CRISPLD1: variants seen among roughly 807,000 people sequenced by gnomAD.
CRISPLD1 encodes cysteine-rich secretory protein LCCL domain-containing 1.
In CRISPLD1, 60 loss-of-function variants were observed where a neutral mutation model predicts 77.5. That is an observed-to-expected ratio of 0.77 (90% CI 0.63 to 0.96). The LOEUF (loss-of-function observed/expected upper bound fraction) is 0.96. Ranked by LOEUF, CRISPLD1 falls within the 40% of genes least tolerant of loss-of-function variation. CRISPLD1 has a pLI of 0.00. For missense variants in CRISPLD1, 623 were observed against 615.8 expected (o/e 1.01, Z -0.12); for synonymous variants, 195 against 200.1 (o/e 0.97, Z 0.22).
chr8:74,995,764 A>C (rs1030153162), intron 2 of CRISPLD1, among the ~76,000 whole-genome samples: 2 of 152,196 alleles, frequency 1.3e-5, no homozygotes, highest in South Asian at 4.1e-4. Flanking sequence ...TCTTTGCATA[A>C]TTTTTTTGCA....
rs1303059676 is a variant in CRISPLD1 at position 75,030,706 on chromosome 8, GTA to G, written c.1451+1193_1451+1194del. On this transcript the variant is annotated intron_variant, in intron 14 of 14. Transcript: ENST00000262207. ...TGTGTGTGTGTGTGTGTGTGTGTGT[GTA>G]TATGTATGTGTGTGTGTCTGTGTAT... is the stretch of plus-strand genomic sequence containing the variant. 1.6e-4 allele frequency among the ~76,000 whole-genome samples: 23 copies of G among 147,902 alleles called. No homozygotes were observed. In the East Asian group the frequency reaches 2.8e-3, roughly 18 times the overall value.
At chr8:74,990,295 AAAG>A (rs1195464758) in intron 2 of CRISPLD1, among the ~76,000 whole-genome samples, 7 of 148,538 alleles carry the variant, frequency 4.7e-5, no homozygotes, top group Admixed American at 4.0e-4. Flanking sequence ...AAAAAAAAAA[AAAG>A]AAAACAAACC....
At chr8:74,986,389 G>C in intron 2 of CRISPLD1, 144 bp downstream of exon 2, 1 of 809,914 alleles carries the variant, frequency 1.2e-6, no homozygotes, top group Non-Finnish European at 1.9e-6. Flanking sequence ...CTGCATATTC[G>C]TTTATTAATG....
chr8:74,990,784 A>G (rs1433847275), intron 2 of CRISPLD1, among the ~76,000 whole-genome samples: 1 of 152,196 alleles, frequency 6.6e-6, no homozygotes, highest in South Asian at 2.1e-4. Context: ...AAAAAAAAAA[A>G]AAACCAGAAA....
At chr8:74,992,415 A>T (rs1237132574) in intron 2 of CRISPLD1, among the ~76,000 whole-genome samples, 1 of 152,238 alleles carries the variant, frequency 6.6e-6, no homozygotes, top group Non-Finnish European at 1.5e-5. Context: ...AATAAAACAG[A>T]TTGATGAGTA....
intron 2 of CRISPLD1, among the ~76,000 whole-genome samples, chr8:75,001,852 A>G (rs75907549): frequency 6.6e-6 from 1 of 152,192 alleles, no homozygotes; most frequent in East Asian, 1.9e-4. Flanking sequence ...CTGCTTACTT[A>G]TGATGAAACG....
chr8:74,988,313 C>T (rs193280093), intron 2 of CRISPLD1, among the ~76,000 whole-genome samples: 8 of 152,210 alleles, frequency 5.3e-5, no homozygotes, highest in African/African-American at 1.7e-4. Flanking sequence ...GGCTAAAGAG[C>T]TATTTCCTGT....
chr8:75,009,121 G>A (rs1012469799), intron 2 of CRISPLD1, among the ~76,000 whole-genome samples: 4 of 152,082 alleles, frequency 2.6e-5, no homozygotes, highest in African/African-American at 9.7e-5. Flanking sequence ...TAAGAGCTCA[G>A]CTGGATAGTC....
chr8:75,025,516 A>AAT (rs770126020), intron 12 of CRISPLD1, 30 bp from the exon 13 acceptor site: 34 of 964,806 alleles, frequency 3.5e-5, no homozygotes, highest in South Asian at 5.3e-5. Flanking sequence ...CAGCTTACTT[A>AAT]ATATATATAT....
intron 5 of CRISPLD1, 24 bp from the exon 6 acceptor site, chr8:75,014,788 A>T (rs778665292): frequency 2.6e-6 from 4 of 1,517,950 alleles, no homozygotes; most frequent in Non-Finnish European, 3.6e-6. Context: ...ACTACTTTTT[A>T]ATAGAGCGTA....
rs1315153683 is a variant in CRISPLD1, at chr8:75,034,263, T to C, written c.*2021T>C. ...ACAAGGCGTGTCCTTGGGTAAGTTA[T>C]TTAACTTCAATTTACCTTACCTGTA... On this transcript the variant is annotated 3_prime_UTR_variant, in exon 15 of 15. Coordinates refer to ENST00000262207, the MANE Select transcript of CRISPLD1 (RefSeq NM_031461.6). 1 of 152,138 alleles carries C rather than the reference T, an allele frequency of 6.6e-6. No homozygotes were observed. Among genetic ancestry groups the C allele is most frequent in the East Asian group, 1.9e-4 (1 of 5,194 alleles). The allele number at this position is 152,138 out of a possible 1,614,324, so 9.4% of individuals were successfully genotyped here.
chr8:74,992,537 A>T lies in CRISPLD1; in HGVS notation c.258+6292A>T, dbSNP rs189300280. ...TCTAAGTGTAGAATGTACTTCAGCA[A>T]CCAGGGAGGGCACCTGACCTAAAAA... is the stretch of plus-strand genomic sequence containing the variant. On this transcript the variant is annotated intron_variant, in intron 2 of 14. Transcript: ENST00000262207. 6.6e-5 allele frequency among the ~76,000 whole-genome samples: 10 copies of T among 152,336 alleles called. No individual in the cohort carries two copies. The East Asian group carries it at 1.5e-3, about 23-fold the overall frequency.
At chr8:74,991,584 G>A (rs769240144) in intron 2 of CRISPLD1, among the ~76,000 whole-genome samples, 17 of 152,276 alleles carry the variant, frequency 1.1e-4, no homozygotes, top group African/African-American at 1.7e-4. Flanking sequence ...GGGCTGGAGC[G>A]CAATGGTACT....
At position 75,001,707 on chromosome 8, in the gene CRISPLD1, T is replaced by C. The variant is rs1290868137; in HGVS notation, c.259-10726T>C. The stretch of plus-strand genomic sequence containing the variant: ...GGGAGGAAATGGCAGTCACAATCTG[T>C]GTGAATTGATTTAAGCCTCAATTAT... On this transcript the variant is annotated intron_variant, in intron 2 of 14. Transcript: ENST00000262207. Among the ~76,000 whole-genome samples, 7 of 151,994 alleles carry C rather than the reference T, an allele frequency of 4.6e-5. No individual in the cohort carries two copies. The East Asian group carries it at 1.2e-3, about 25-fold the overall frequency.
At chr8:74,993,077 C>T (rs1370454270) in intron 2 of CRISPLD1, among the ~76,000 whole-genome samples, 3 of 152,014 alleles carry the variant, frequency 2.0e-5, no homozygotes, top group African/African-American at 4.8e-5. Context: ...TATTTTCTAA[C>T]ATTATTTGCT....
Position 75,016,906 on chromosome 8 carries a change from A to G in CRISPLD1, c.894A>G (p.Arg298=). The G allele has an allele frequency of 1.3e-6, 2 of 1,573,364 alleles. No individual in the cohort carries two copies. Among genetic ancestry groups the G allele is most frequent in the Non-Finnish European group, 8.6e-7 (1 of 1,158,086 alleles). Residue 298 remains arginine, a synonymous_variant, in exon 8 of 15, where the codon AGA becomes AGG. Coordinates refer to ENST00000262207, the MANE Select transcript of CRISPLD1 (RefSeq NM_031461.6). ...CCCAAATTGTTTCTTGTGAAGTAAG[A>G]TTAAGAGATCAGTGCAAAGGAACAA... is the stretch of plus-strand genomic sequence containing the variant. ...QMSQIVSCEV[R]LRDQCKGTTC...
intron 4 of CRISPLD1, among the ~76,000 whole-genome samples, chr8:75,013,372 A>G (rs1812969108): frequency 6.6e-6 from 1 of 151,620 alleles, no homozygotes; most frequent in East Asian, 1.9e-4. Flanking sequence ...CAATATTTAC[A>G]TGTGCAACAT....
At chr8:74,993,337 T>C (rs185971616) in intron 2 of CRISPLD1, among the ~76,000 whole-genome samples, 4 of 152,336 alleles carry the variant, frequency 2.6e-5, no homozygotes, top group Admixed American at 2.0e-4. Flanking sequence ...CTCTGACATA[T>C]AGTATCTGCA....
At chr8:75,000,269 T>C (rs368225903) in intron 2 of CRISPLD1, 74 of 985,312 alleles carry the variant, frequency 7.5e-5, no homozygotes, top group East Asian at 3.4e-4. Context: ...TGAGATCAGA[T>C]GTTGTCCAGA....
Sources: allele counts gnomAD v4.1 joint callset (sites outside exome capture counted in the v4.1 genomes callset), GRCh38; gene constraint gnomAD v4.1.1; transcripts MANE v1.5; gene names NCBI Gene and HGNC (gene_info 2026-07-23, HGNC 2026-07-21).